Variants in TANC2 observed in about 807,000 individuals in gnomAD.
The protein encoded by TANC2 is protein TANC2.
A neutral mutation model predicts 210.5 loss-of-function variants in TANC2; 26 were observed. That is an observed-to-expected ratio of 0.12 (90% CI 0.09 to 0.17). TANC2 has a LOEUF of 0.17. TANC2 is among the 10% of genes least tolerant of loss of function. The pLI is 1.00. For synonymous variants in TANC2, 931 were observed against 967.1 expected (o/e 0.96, Z 0.69); for missense variants, 2,129 against 2,608.9 (o/e 0.82, Z 4.01).
At chr17:63,198,484 C>G (rs1598587907) in intron 6 of TANC2, among the ~76,000 whole-genome samples, 2 of 152,174 alleles carry the variant, frequency 1.3e-5, no homozygotes, top group Admixed American at 1.3e-4. Context: ...ACATAGGCCA[C>G]CATGCTGGGC....
At chr17:62,982,289 T>G (rs2032343067) in intron 1 of TANC2, among the ~76,000 whole-genome samples, 1 of 152,188 alleles carries the variant, frequency 6.6e-6, no homozygotes. Flanking sequence ...ATTTAGAGAC[T>G]ACCTTTCAGG....
intron 2 of TANC2, among the ~76,000 whole-genome samples, chr17:63,046,199 G>A (rs1198308027): frequency 5.3e-5 from 8 of 150,142 alleles, no homozygotes; most frequent in Non-Finnish European, 1.0e-4. Context: ...TCACTCTGTT[G>A]CCCAGGCTGG....
At chr17:63,269,175 C>A (rs2043620883) in intron 9 of TANC2, among the ~76,000 whole-genome samples, 1 of 152,120 alleles carries the variant, frequency 6.6e-6, no homozygotes, top group Admixed American at 6.6e-5. Flanking sequence ...TGTATTGCAA[C>A]AATTACCATA....
At chr17:63,398,083 TC>T (rs1223092835) in intron 18 of TANC2, among the ~76,000 whole-genome samples, 1 of 152,214 alleles carries the variant, frequency 6.6e-6, no homozygotes, top group Non-Finnish European at 1.5e-5. Flanking sequence ...GAGATTTTTC[TC>T]CCTTTACTAG....
chr17:63,057,452 A>G (rs1401600005), intron 2 of TANC2, among the ~76,000 whole-genome samples: 2 of 152,110 alleles, frequency 1.3e-5, no homozygotes, highest in African/African-American at 4.8e-5. Flanking sequence ...TTTTAGGTCT[A>G]GGTTTACACG....
At chr17:63,273,193 G>A (rs2043767783) in intron 9 of TANC2, among the ~76,000 whole-genome samples, 1 of 152,062 alleles carries the variant, frequency 6.6e-6, no homozygotes, top group Non-Finnish European at 1.5e-5. Context: ...GGCAGAGGTG[G>A]GAGGATCACT....
intron 14 of TANC2, among the ~76,000 whole-genome samples, chr17:63,360,387 C>G (rs2046920993): frequency 6.6e-6 from 1 of 152,128 alleles, no homozygotes; most frequent in Non-Finnish European, 1.5e-5. Flanking sequence ...AAAAGGGCCT[C>G]TTAGAACTAA....
chr17:63,297,074 A>T (rs2044559073), intron 9 of TANC2, among the ~76,000 whole-genome samples: 1 of 152,230 alleles, frequency 6.6e-6, no homozygotes, highest in Non-Finnish European at 1.5e-5. Flanking sequence ...ATATCAGCTC[A>T]CAAAAAGCAG....
At chr17:63,069,158 A>G (rs184625106) in intron 2 of TANC2, among the ~76,000 whole-genome samples, 1 of 152,258 alleles carries the variant, frequency 6.6e-6, no homozygotes, top group Admixed American at 6.5e-5. Context: ...TATATATTAA[A>G]TTTATTTACA....
chr17:63,285,282 T>C (rs982954808), intron 9 of TANC2, among the ~76,000 whole-genome samples: 1 of 111,078 alleles, frequency 9.0e-6, no homozygotes, highest in African/African-American at 2.7e-5. Flanking sequence ...TTATCCTATC[T>C]ATTCCTTGTT....
intron 2 of TANC2, among the ~76,000 whole-genome samples, chr17:63,047,993 A>G (rs1160417631): frequency 1.3e-5 from 2 of 152,176 alleles, no homozygotes; most frequent in East Asian, 3.8e-4. Flanking sequence ...GGGGTGTGGG[A>G]GTCCTTAGCA....
chr17:63,393,019 T>G (rs1262969290), intron 17 of TANC2, among the ~76,000 whole-genome samples: 2 of 152,228 alleles, frequency 1.3e-5, no homozygotes, highest in Non-Finnish European at 2.9e-5. Context: ...TGTCCAACTG[T>G]CCCACTGATC....
chr17:63,327,724 A>G (rs967572231), intron 11 of TANC2, among the ~76,000 whole-genome samples: 1 of 152,162 alleles, frequency 6.6e-6, no homozygotes, highest in Non-Finnish European at 1.5e-5. Context: ...TGTGGTACAT[A>G]TACACCATGG....
At chr17:63,379,328 G>C (rs888685832) in intron 14 of TANC2, among the ~76,000 whole-genome samples, 1 of 152,136 alleles carries the variant, frequency 6.6e-6, no homozygotes, top group Non-Finnish European at 1.5e-5. Context: ...AGTTTTGTTG[G>C]AGGTATGACT....
At chr17:63,286,309 C>T (rs2044219094) in intron 9 of TANC2, among the ~76,000 whole-genome samples, 1 of 152,084 alleles carries the variant, frequency 6.6e-6, no homozygotes, top group Non-Finnish European at 1.5e-5. Flanking sequence ...ATTTATTCAG[C>T]CTCTATATGT....
At chr17:63,240,208 A>C (rs1351610551) in intron 8 of TANC2, among the ~76,000 whole-genome samples, 5 of 152,212 alleles carry the variant, frequency 3.3e-5, no homozygotes, top group Admixed American at 6.5e-5. Context: ...GTCCCAACTT[A>C]CTTCCTAACT....
intron 4 of TANC2, among the ~76,000 whole-genome samples, chr17:63,101,989 T>C (rs1029512067): frequency 6.6e-6 from 1 of 152,082 alleles, no homozygotes; most frequent in African/African-American, 2.4e-5. Context: ...AGAGTAAGTC[T>C]GAAGGGACAG....
intron 2 of TANC2, among the ~76,000 whole-genome samples, chr17:63,042,875 C>A (rs1409286293): frequency 6.6e-6 from 1 of 151,858 alleles, no homozygotes; most frequent in African/African-American, 2.4e-5. Flanking sequence ...TTTTAATCTT[C>A]TAGACTAGCC....
At chr17:63,102,662 C>G (rs908524979) in intron 4 of TANC2, among the ~76,000 whole-genome samples, 1 of 149,324 alleles carries the variant, frequency 6.7e-6, no homozygotes, top group Non-Finnish European at 1.5e-5. Context: ...AGGGGAACAT[C>G]ACACACCAGG....
Sources: gnomAD v4.1 joint callset for allele counts (sites outside exome capture counted in the v4.1 genomes callset) on GRCh38, gnomAD v4.1.1 for gene constraint, MANE v1.5 for transcripts, NCBI Gene and HGNC (gene_info 2026-07-23, HGNC 2026-07-21) for gene names.